Variants in MAP2 observed in about 807,000 individuals in gnomAD.
MAP2 encodes the protein microtubule associated protein 2.
In MAP2, 14 loss-of-function variants were observed where a neutral mutation model predicts 137.6. The observed-to-expected ratio is 0.10, with a 90% CI of 0.07 to 0.16. MAP2 has a LOEUF of 0.16. Among genes scored for constraint, MAP2 ranks in the 10% least tolerant of loss-of-function variants. The probability of loss-of-function intolerance (pLI) is 1.00; values close to 1 mark genes in which losing one functional copy is unlikely to be tolerated. For synonymous variants in MAP2, 786 were observed against 782.3 expected (o/e 1.00, Z -0.08); for missense variants, 2,088 against 2,191.5 (o/e 0.95, Z 0.94).
chr2:209,529,340 A>G (rs916253969), intron 2 of MAP2, among the ~76,000 whole-genome samples: 1 of 152,208 alleles, frequency 6.6e-6, no homozygotes, highest in African/African-American at 2.4e-5. Context: ...CTTATAGTTA[A>G]TGCATTGTAC....
chr2:209,483,901 TC>T (rs1358097896), intron 1 of MAP2, among the ~76,000 whole-genome samples: 27 of 152,162 alleles, frequency 1.8e-4, no homozygotes, highest in Admixed American at 1.2e-3. Context: ...GGAGAAATTT[TC>T]TTAGAGGCCT....
At chr2:209,663,559 A>G (rs180699035) in intron 5 of MAP2, among the ~76,000 whole-genome samples, 1 of 152,338 alleles carries the variant, frequency 6.6e-6, no homozygotes, top group African/African-American at 2.4e-5. Context: ...ATTTTTGCAA[A>G]TGCTGGGTGG....
intron 2 of MAP2, among the ~76,000 whole-genome samples, chr2:209,541,018 G>C (rs1006091318): frequency 1.3e-5 from 2 of 151,010 alleles, no homozygotes; most frequent in African/African-American, 5.0e-5. Context: ...ATACTTTATT[G>C]CTAAAAATAC....
intron 1 of MAP2, among the ~76,000 whole-genome samples, chr2:209,447,142 G>A (rs1394446131): frequency 6.6e-6 from 1 of 151,958 alleles, no homozygotes. Flanking sequence ...GTTCTACATG[G>A]ACATGAAATT....
At chr2:209,488,228 C>T (rs1315659611) in intron 1 of MAP2, among the ~76,000 whole-genome samples, 1 of 152,172 alleles carries the variant, frequency 6.6e-6, no homozygotes, top group Admixed American at 6.5e-5. Flanking sequence ...AGGGACTGTG[C>T]CGTGAGAGAC....
At chr2:209,704,594 T>C (rs757316694) in intron 11 of MAP2, 9 of 1,604,452 alleles carry the variant, frequency 5.6e-6, no homozygotes, top group East Asian at 2.2e-5. Flanking sequence ...CACAGACCGT[T>C]TGCCATACTC....
At chr2:209,453,260 A>G (rs1435309934) in intron 1 of MAP2, among the ~76,000 whole-genome samples, 2 of 152,098 alleles carry the variant, frequency 1.3e-5, no homozygotes, top group Non-Finnish European at 2.9e-5. Context: ...TTAATGATGC[A>G]TGATCAGCCA....
At chr2:209,610,048 C>A (rs2086268111) in intron 3 of MAP2, among the ~76,000 whole-genome samples, 1 of 152,046 alleles carries the variant, frequency 6.6e-6, no homozygotes, top group African/African-American at 2.4e-5. Context: ...ATTAAATAAT[C>A]ATATAAATAA....
chr2:209,695,250 A>G lies in MAP2; in HGVS notation c.3080A>G (p.Glu1027Gly), dbSNP rs147381270. The G allele has an allele frequency of 1.1e-4, 174 of 1,613,908 alleles. No homozygotes were observed. In the African/African-American group the frequency reaches 2.2e-3, roughly 20 times the overall value. ...KGLSSVPEIAEVEPSKKVEQG... is the reference protein window; with the variant it reads ...KGLSSVPEIAGVEPSKKVEQG... ...CTTAGTTCAGTGCCAGAGATAGCTG[A>G]GGTAGAACCATCCAAAAAGGTGGAA... The change falls in exon 8 of 16, where the codon GAG becomes GGG. Residue 1027 changes from glutamate to glycine, a missense_variant. By Grantham distance (98) the Glu-to-Gly change is moderately conservative. Transcript: ENST00000682079.
intron 1 of MAP2, among the ~76,000 whole-genome samples, chr2:209,471,946 A>G (rs1054678087): frequency 6.6e-6 from 1 of 152,150 alleles, no homozygotes; most frequent in African/African-American, 2.4e-5. Flanking sequence ...ATCAAATTTT[A>G]TGGTTAAAAG....
At chr2:209,474,354 G>A (rs1216996127) in intron 1 of MAP2, among the ~76,000 whole-genome samples, 2 of 152,152 alleles carry the variant, frequency 1.3e-5, no homozygotes, top group African/African-American at 2.4e-5. Flanking sequence ...GATAGTGAAA[G>A]TTATGAGTCC....
At chr2:209,558,151 A>G (rs1481524099) in intron 2 of MAP2, among the ~76,000 whole-genome samples, 3 of 152,182 alleles carry the variant, frequency 2.0e-5, no homozygotes, top group African/African-American at 7.2e-5. Context: ...ACACACATTC[A>G]TATATCTACA....
At chr2:209,649,286 G>C (rs2094621458) in intron 4 of MAP2, among the ~76,000 whole-genome samples, 1 of 151,886 alleles carries the variant, frequency 6.6e-6, no homozygotes, top group African/African-American at 2.4e-5. Context: ...CAAAGTGCTG[G>C]GATTACAGGC....
chr2:209,509,164 C>T (rs1200989264), intron 2 of MAP2, among the ~76,000 whole-genome samples: 1 of 151,800 alleles, frequency 6.6e-6, no homozygotes, highest in Non-Finnish European at 1.5e-5. Context: ...GTAAACATGA[C>T]AATTTGCAAT....
At chr2:209,548,712 G>A (rs1300791474) in intron 2 of MAP2, among the ~76,000 whole-genome samples, 3 of 152,058 alleles carry the variant, frequency 2.0e-5, no homozygotes, top group African/African-American at 4.8e-5. Flanking sequence ...TTGAATCACG[G>A]GGTGGTTTCT....
chr2:209,694,423 T>G lies in MAP2; in HGVS notation c.2253T>G (p.Pro751=), dbSNP rs1485500558. ...EGDDYLPATT[P]ALEKAPCFPV... is the part of the protein sequence containing the mutation. The stretch of plus-strand genomic sequence containing the variant: ...ATGATTACCTTCCAGCCACCACACC[T>G]GCACTGGAGAAAGCCCCTTGCTTCC... The change falls in exon 8 of 16, where the codon CCT becomes CCG. Residue 751 remains proline (P), a synonymous_variant. Transcript: ENST00000682079. 5 of 1,613,888 alleles carry G rather than the reference T, an allele frequency of 3.1e-6. No individual in the cohort carries two copies. The highest frequency in any genetic ancestry group is 4.2e-6 in the Non-Finnish European group (5 of 1,179,982).
chr2:209,519,480 A>G (rs2062972960), intron 2 of MAP2, among the ~76,000 whole-genome samples: 1 of 152,054 alleles, frequency 6.6e-6, no homozygotes, highest in South Asian at 2.1e-4. Context: ...GAACTGGGAG[A>G]TAGGGGAGCT....
At position 209,732,695 on chromosome 2, in the gene MAP2, T is replaced by A. The variant is rs1191480929; in HGVS notation, c.*2298T>A. On this transcript the variant is annotated 3_prime_UTR_variant, in exon 16 of 16. Coordinates refer to ENST00000682079, the MANE Select transcript of MAP2 (RefSeq NM_001375505.1). ...TATTTTTCTCAACATTCTTTAAAGT[T>A]TTTATATAAGTTAACACTAGGTAAA... 6.6e-6 allele frequency: 1 copy of A among 152,632 alleles called. No homozygotes were observed. Among genetic ancestry groups the A allele is most frequent in the Non-Finnish European group, 1.5e-5 (1 of 68,036 alleles). The allele number at this position is 152,632 out of a possible 1,614,324, so 9.5% of individuals were successfully genotyped here. A position where few individuals can be genotyped will look rare whatever the true frequency, so the allele number is the denominator to read the frequency against.
rs1030766121 is a variant in MAP2 at position 209,731,574 on chromosome 2, G to A, written c.*1177G>A. 6.6e-6 allele frequency: 1 copy of A among 151,892 alleles called. No individual in the cohort carries two copies. Among genetic ancestry groups the A allele is most frequent in the African/African-American group, 2.4e-5 (1 of 41,258 alleles). The allele number at this position is 151,892 out of a possible 1,614,324, so 9.4% of individuals were successfully genotyped here. On this transcript the variant is annotated 3_prime_UTR_variant, in exon 16 of 16. Coordinates refer to ENST00000682079, the MANE Select transcript of MAP2 (RefSeq NM_001375505.1). ...CATTTTTAATCACAGGATAGTTTGG[G>A]GTTTATTCCTATTATTATTCATGAA...
Sources: allele counts gnomAD v4.1 joint callset (sites outside exome capture counted in the v4.1 genomes callset), GRCh38; gene constraint gnomAD v4.1.1; transcripts MANE v1.5; gene names NCBI Gene and HGNC (gene_info 2026-07-23, HGNC 2026-07-21).